The following CAP2 variants were observed in gnomAD, a reference collection of about 807,000 sequenced individuals.
CAP2 encodes the protein cyclase associated actin cytoskeleton regulatory protein 2.
A neutral mutation model predicts 57.7 loss-of-function variants in CAP2; 24 were observed. The observed-to-expected ratio is 0.42, with a 90% CI of 0.30 to 0.58. The LOEUF is 0.58. Among genes scored for constraint, CAP2 ranks in the 20% least tolerant of loss-of-function variants. CAP2 has a pLI of 0.22. For missense variants in CAP2, 501 were observed against 590.3 expected, an observed-to-expected ratio of 0.85 and a Z score of 1.57; for synonymous variants, 194 against 207.2, an observed-to-expected ratio of 0.94 and a Z score of 0.55.
At chr6:17,514,485 C>T (rs1269295420) in intron 7 of CAP2, among the ~76,000 whole-genome samples, 1 of 152,168 alleles carries the variant, frequency 6.6e-6, no homozygotes, top group Non-Finnish European at 1.5e-5. Flanking sequence ...CAGTGGCTCT[C>T]ACGCCTGTAA....
At chr6:17,544,611 C>G (rs796441658) in intron 11 of CAP2, among the ~76,000 whole-genome samples, 16 of 151,560 alleles carry the variant, frequency 1.1e-4, no homozygotes, top group African/African-American at 3.9e-4. Flanking sequence ...CCAGGCCAGG[C>G]GCAATCTCGG....
intron 1 of CAP2, among the ~76,000 whole-genome samples, chr6:17,417,274 A>ATT (rs34818674): frequency 2.3e-4 from 31 of 137,234 alleles, no homozygotes; most frequent in African/African-American, 5.2e-4. Flanking sequence ...TTTAAAACTG[A>ATT]TTTTTTTTTT....
chr6:17,463,530 A>G (rs1760784638), intron 4 of CAP2, among the ~76,000 whole-genome samples: 1 of 152,124 alleles, frequency 6.6e-6, no homozygotes, highest in Non-Finnish European at 1.5e-5. Flanking sequence ...GATCATCTCT[A>G]ACCTCCATGT....
chr6:17,396,096 G>A (rs1025664485), intron 1 of CAP2, among the ~76,000 whole-genome samples: 2 of 152,044 alleles, frequency 1.3e-5, no homozygotes, highest in African/African-American at 2.4e-5. Flanking sequence ...TCAAAACCAC[G>A]ATGGGATACC....
chr6:17,461,218 CT>C (rs35423332), intron 3 of CAP2, among the ~76,000 whole-genome samples: 78,503 of 147,878 alleles, frequency 0.53, 20,982 homozygotes, highest in East Asian at 0.83. Flanking sequence ...TCTTTGAAAC[CT>C]TTTTTTTTTT....
chr6:17,486,814 A>G (rs889831060), intron 4 of CAP2, among the ~76,000 whole-genome samples: 1 of 152,198 alleles, frequency 6.6e-6, no homozygotes, highest in African/African-American at 2.4e-5. Context: ...ATCCAGTAAG[A>G]TGTGCTGGAA....
chr6:17,429,643 T>C (rs1023794357), intron 3 of CAP2, among the ~76,000 whole-genome samples: 1 of 152,170 alleles, frequency 6.6e-6, no homozygotes, highest in Non-Finnish European at 1.5e-5. Context: ...AATGAATATG[T>C]AATGCTTAAG....
intron 4 of CAP2, among the ~76,000 whole-genome samples, chr6:17,475,731 T>C (rs1761138145): frequency 6.6e-6 from 1 of 152,236 alleles, no homozygotes; most frequent in Admixed American, 6.5e-5. Context: ...ATTAGATGGA[T>C]TCTTCCCTGT....
intron 4 of CAP2, among the ~76,000 whole-genome samples, chr6:17,482,504 T>A: frequency 1.1e-5 from 1 of 90,008 alleles, no homozygotes; most frequent in African/African-American, 5.5e-5. Context: ...CGAGACTCCA[T>A]CTCAAAAAAA....
intron 4 of CAP2, among the ~76,000 whole-genome samples, chr6:17,482,044 T>G (rs1761300169): frequency 6.6e-6 from 1 of 152,210 alleles, no homozygotes; most frequent in South Asian, 2.1e-4. Flanking sequence ...TTCAGTTCAA[T>G]AAATTTTCTG....
chr6:17,438,166 GA>G (rs2113557749), intron 3 of CAP2, among the ~76,000 whole-genome samples: 1 of 147,574 alleles, frequency 6.8e-6, no homozygotes, highest in South Asian at 2.1e-4. Context: ...AGGAGTTCAA[GA>G]CCAGCTTGGC....
In CAP2 at chr6:17,531,509, T is replaced by G. The variant is rs1762638592; in HGVS notation, c.637-7760T>G. ...TTCATAGATAAGCTTCTTCCTTGCC[T>G]TTCAAAGCATCTTTTGGACAAACTT... On this transcript the variant is annotated intron_variant, in intron 7 of 12. Coordinates refer to ENST00000229922, the MANE Select transcript of CAP2 (RefSeq NM_006366.3). 2.7e-6 allele frequency: 4 copies of G among 1,500,744 alleles called. No homozygotes were observed. The South Asian group carries it at 4.5e-5, about 17-fold the overall frequency. The allele number at this position is 1,500,744 out of a possible 1,614,324, so 93.0% of individuals were successfully genotyped here.
chr6:17,442,266 A>T (rs1420848054), intron 3 of CAP2, among the ~76,000 whole-genome samples: 1 of 152,142 alleles, frequency 6.6e-6, no homozygotes, highest in Non-Finnish European at 1.5e-5. Context: ...GTTGACCATG[A>T]ACTTAGTGTG....
At position 17,406,538 on chromosome 6, in the gene CAP2, C is replaced by T. The variant is rs1014003078; in HGVS notation, c.-2+12792C>T. On this transcript the variant is annotated intron_variant, in intron 1 of 12. Coordinates refer to ENST00000229922, the MANE Select transcript of CAP2 (RefSeq NM_006366.3). Reference sequence around the variant, plus strand: ...CCTCCTGCATAGCTGGGATTACAGGCCCATGCCACCACGCCTGGCTAATTT... The same window carrying T: ...CCTCCTGCATAGCTGGGATTACAGGTCCATGCCACCACGCCTGGCTAATTT... 3.9e-5 allele frequency among the ~76,000 whole-genome samples: 6 copies of T among 152,036 alleles called. No individual in the cohort carries two copies. The East Asian group carries it at 1.2e-3, about 29-fold the overall frequency.
chr6:17,444,649 A>AAT, intron 3 of CAP2, among the ~76,000 whole-genome samples: 1 of 151,670 alleles, frequency 6.6e-6, no homozygotes, highest in East Asian at 1.9e-4. Context: ...CAAAAAAAAA[A>AAT]AAAAAAAAAG....
chr6:17,502,092 C>T (rs1021324433), intron 4 of CAP2, among the ~76,000 whole-genome samples: 45 of 152,216 alleles, frequency 3.0e-4, no homozygotes, highest in Non-Finnish European at 6.0e-4. Context: ...AGCTGCTAGA[C>T]ATATCTGGGG....
At position 17,440,667 on chromosome 6, in the gene CAP2, G is replaced by A. The variant is rs112489323; in HGVS notation, c.222+13977G>A. ...TGTGGTCATTTTAATGTTCAATTCT[G>A]TATCTCCCATTTTTTTATTATACTT... On this transcript the variant is annotated intron_variant, in intron 3 of 12. Coordinates refer to ENST00000229922, the MANE Select transcript of CAP2 (RefSeq NM_006366.3). 1.8e-3 allele frequency among the ~76,000 whole-genome samples: 266 copies of A among 149,252 alleles called. 9 individuals are homozygous for A. Among genetic ancestry groups the A allele is most frequent in the African/African-American group, 5.9e-3 (235 of 39,982 alleles).
intron 1 of CAP2, among the ~76,000 whole-genome samples, chr6:17,412,591 A>C (rs1217721155): frequency 6.6e-6 from 1 of 152,190 alleles, no homozygotes; most frequent in Non-Finnish European, 1.5e-5. Context: ...TTCAACTTAG[A>C]GGACAAATGC....
At chr6:17,404,465 C>T (rs549108982) in intron 1 of CAP2, among the ~76,000 whole-genome samples, 89 of 152,184 alleles carry the variant, frequency 5.8e-4, no homozygotes, top group Middle Eastern at 3.4e-3. Context: ...AATAGCTGGG[C>T]GTGGTGGCGA....
Sources: gnomAD v4.1 joint callset for allele counts (sites outside exome capture counted in the v4.1 genomes callset) on GRCh38, gnomAD v4.1.1 for gene constraint, MANE v1.5 for transcripts, NCBI Gene and HGNC (gene_info 2026-07-23, HGNC 2026-07-21) for gene names.